The following KIF21A variants were observed in gnomAD, a reference collection of about 807,000 sequenced individuals.
KIF21A encodes the protein kinesin-like protein KIF21A.
A neutral mutation model predicts 202.9 loss-of-function variants in KIF21A; 114 were observed. The ratio of observed to expected loss-of-function variants is 0.56; its 90% CI spans 0.48 to 0.66. The LOEUF is 0.66. KIF21A is among the 30% of genes least tolerant of loss of function. The probability of loss-of-function intolerance (pLI) is 0.00; values close to 1 mark genes in which losing one functional copy is unlikely to be tolerated. For synonymous variants in KIF21A, 667 were observed against 670.8 expected (o/e 0.99, Z 0.09); for missense variants, 1,677 against 1,994.9 (o/e 0.84, Z 3.04).
At chr12:39,310,404 T>C (rs1395408888) in intron 32 of KIF21A, among the ~76,000 whole-genome samples, 1 of 152,052 alleles carries the variant, frequency 6.6e-6, no homozygotes, top group South Asian at 2.1e-4. Context: ...TGGGATCTTA[T>C]ACTTCCCTCA....
chr12:39,387,691 A>G (rs1365471565), intron 1 of KIF21A, among the ~76,000 whole-genome samples: 1 of 152,118 alleles, frequency 6.6e-6, no homozygotes, highest in Non-Finnish European at 1.5e-5. Context: ...CCATTAGTAG[A>G]TGGCAAAGAA....
chr12:39,341,645 T>A, intron 13 of KIF21A, 23 bp from the exon 14 acceptor site: 3 of 1,583,204 alleles, frequency 1.9e-6, no homozygotes, highest in Non-Finnish European at 2.6e-6. Flanking sequence ...TTGTAAAAAT[T>A]AATAGCACAA....
rs543934502 is a variant in KIF21A, at chr12:39,401,746, A to G, written c.45-31485T>C. Reference sequence around the variant, plus strand: ...TTGTCACCACTTAAATTCTTCTCCAATCTTTTCAAGAAAAAGTATTTTGCT... The same window carrying G: ...TTGTCACCACTTAAATTCTTCTCCAGTCTTTTCAAGAAAAAGTATTTTGCT... On this transcript the variant is annotated intron_variant, in intron 1 of 37. Coordinates refer to ENST00000361418, the MANE Select transcript of KIF21A (RefSeq NM_001173464.2). 9.5e-4 allele frequency among the ~76,000 whole-genome samples: 144 copies of G among 152,318 alleles called. 2 individuals carry two copies. In the South Asian group the frequency reaches 0.027, roughly 29 times the overall value.
At chr12:39,352,886 A>C (rs1466856269) in intron 10 of KIF21A, among the ~76,000 whole-genome samples, 1 of 152,202 alleles carries the variant, frequency 6.6e-6, no homozygotes. Context: ...TAGACTATTG[A>C]GACTAAAAGG....
chr12:39,295,853 C>T (rs1350549827), intron 37 of KIF21A, among the ~76,000 whole-genome samples: 1 of 151,196 alleles, frequency 6.6e-6, no homozygotes, highest in Non-Finnish European at 1.5e-5. Context: ...AAGCGCATGC[C>T]ACTATGCCTA....
intron 1 of KIF21A, among the ~76,000 whole-genome samples, chr12:39,384,560 A>G (rs1210363886): frequency 6.6e-6 from 1 of 152,222 alleles, no homozygotes; most frequent in East Asian, 1.9e-4. Context: ...TGGAGGCAGG[A>G]TATAGAATAT....
chr12:39,435,748 A>G (rs1938601012), intron 1 of KIF21A, among the ~76,000 whole-genome samples: 1 of 151,516 alleles, frequency 6.6e-6, no homozygotes, highest in Admixed American at 6.6e-5. Flanking sequence ...CTGTTGGAGT[A>G]AAGTATTAAG....
At chr12:39,380,016 G>A (rs1487313900) in intron 1 of KIF21A, among the ~76,000 whole-genome samples, 1 of 152,206 alleles carries the variant, frequency 6.6e-6, no homozygotes, top group Admixed American at 6.5e-5. Context: ...TGCTCAGGCT[G>A]GAGTGCAGTG....
intron 1 of KIF21A, among the ~76,000 whole-genome samples, chr12:39,428,377 T>C (rs1216422520): frequency 6.6e-6 from 1 of 152,252 alleles, no homozygotes; most frequent in Non-Finnish European, 1.5e-5. Flanking sequence ...ACCTCATTTG[T>C]TGATACCTTA....
At chr12:39,405,764 CTGTT>C (rs1184950130) in intron 1 of KIF21A, among the ~76,000 whole-genome samples, 2 of 152,102 alleles carry the variant, frequency 1.3e-5, no homozygotes, top group African/African-American at 4.8e-5. Context: ...AGACATTTCT[CTGTT>C]TGAAACAGAA....
chr12:39,341,744 T>C, intron 13 of KIF21A, 122 bp from the exon 14 acceptor site: 1 of 1,076,326 alleles, frequency 9.3e-7, no homozygotes, highest in Non-Finnish European at 1.4e-6. Context: ...GTCATCAGTA[T>C]AAAAATGTTA....
At chr12:39,294,643 G>T (rs1474677135) in intron 37 of KIF21A, 126 bp from the exon 38 acceptor site, 4 of 715,038 alleles carry the variant, frequency 5.6e-6, no homozygotes, top group African/African-American at 5.3e-5. Flanking sequence ...GTATAAATAT[G>T]CATTGTCTCA....
At chr12:39,386,726 C>CA (rs1950970594) in intron 1 of KIF21A, among the ~76,000 whole-genome samples, 1 of 152,164 alleles carries the variant, frequency 6.6e-6, no homozygotes, top group African/African-American at 2.4e-5. Flanking sequence ...AGGCAGACGT[C>CA]TAAGTGAATT....
chr12:39,389,971 C>T (rs1438691620), intron 1 of KIF21A, among the ~76,000 whole-genome samples: 1 of 152,194 alleles, frequency 6.6e-6, no homozygotes, highest in Non-Finnish European at 1.5e-5. Flanking sequence ...TCCCACACTA[C>T]CCCACACACT....
intron 1 of KIF21A, among the ~76,000 whole-genome samples, chr12:39,398,007 T>G (rs140346965): frequency 6.6e-6 from 1 of 152,358 alleles, no homozygotes; most frequent in African/African-American, 2.4e-5. Context: ...TTAAATTGTA[T>G]GCCCAGGGGC....
At chr12:39,398,106 TTATTA>T (rs1333777195) in intron 1 of KIF21A, among the ~76,000 whole-genome samples, 2 of 152,244 alleles carry the variant, frequency 1.3e-5, no homozygotes, top group African/African-American at 4.8e-5. Flanking sequence ...TGACACATTC[TTATTA>T]TCTATGGTAC....
intron 1 of KIF21A, among the ~76,000 whole-genome samples, chr12:39,396,947 CAA>C (rs1425844270): frequency 1.3e-5 from 2 of 152,010 alleles, no homozygotes; most frequent in African/African-American, 4.8e-5. Context: ...TGAAATACAC[CAA>C]ACTCAAAAGA....
chr12:39,313,873 G>A (rs78215094), intron 31 of KIF21A, among the ~76,000 whole-genome samples: 53 of 151,822 alleles, frequency 3.5e-4, no homozygotes, highest in African/African-American at 1.2e-3. Context: ...TGAAAAATTG[G>A]AGCCTTTACA....
chr12:39,384,214 A>C (rs1289606058), intron 1 of KIF21A, among the ~76,000 whole-genome samples: 4 of 152,122 alleles, frequency 2.6e-5, no homozygotes, highest in Admixed American at 2.6e-4. Context: ...AAACTCATGG[A>C]GTTTTTTTAC....
Sources: allele counts gnomAD v4.1 joint callset (sites outside exome capture counted in the v4.1 genomes callset), GRCh38; gene constraint gnomAD v4.1.1; transcripts MANE v1.5; gene names NCBI Gene and HGNC (gene_info 2026-07-23, HGNC 2026-07-21).